The following CAPN14 variants were observed in gnomAD, a reference collection of about 807,000 sequenced individuals.
CAPN14 encodes calpain 14.
CAPN14 carries 94 observed loss-of-function variants against 101.3 expected under a neutral mutation model. The ratio of observed to expected loss-of-function variants is 0.93; its 90% CI spans 0.79 to 1.10. The LOEUF (loss-of-function observed/expected upper bound fraction) is 1.10. Among genes scored for constraint, CAPN14 ranks in the 50% least tolerant of loss-of-function variants. The pLI, the probability that CAPN14 is intolerant of heterozygous loss-of-function variation, is 0.00. For missense variants in CAPN14, 837 were observed against 828.4 expected (o/e 1.01, Z -0.13); for synonymous variants, 338 against 317.9 (o/e 1.06, Z -0.67).
At chr2:31,174,839 C>T (rs751146801) in intron 21 of CAPN14, 132 bp from the exon 22 acceptor site, 1 of 785,428 alleles carries the variant, frequency 1.3e-6, no homozygotes, top group Non-Finnish European at 2.1e-6. Flanking sequence ...AGCATATCAT[C>T]CATTAGGAAG....
chr2:31,200,646 CA>C (rs1001648561), intron 5 of CAPN14, 21 bp from the exon 6 acceptor site: 2 of 1,522,028 alleles, frequency 1.3e-6, no homozygotes, highest in African/African-American at 2.8e-5. Flanking sequence ...AAGAAATAAA[CA>C]TGAGAGGAAA....
chr2:31,202,966 C>T (rs1224795041), intron 3 of CAPN14, 104 bp downstream of exon 3: 1 of 960,302 alleles, frequency 1.0e-6, no homozygotes, highest in East Asian at 2.6e-5. Context: ...GGGCCTCTCT[C>T]CAGTGGGGAT....
At chr2:31,192,170 G>C (rs1444044115) in intron 10 of CAPN14, 72 bp from the exon 11 acceptor site, 1 of 1,451,572 alleles carries the variant, frequency 6.9e-7, no homozygotes, top group African/African-American at 1.4e-5. Context: ...ACCACTAAGA[G>C]GTGAACAGTC....
chr2:31,180,942 T>G lies in CAPN14; in HGVS notation c.1704A>C (p.Leu568Phe), dbSNP rs748893120. Residue 568 changes from leucine (L) to phenylalanine (F), a missense_variant, in exon 17 of 22, where the codon TTA becomes TTC. Coordinates refer to ENST00000403897, the MANE Select transcript of CAPN14 (RefSeq NM_001145122.2). The part of the protein sequence containing the change: ...SLEACQGILA[L>F]LDLNASGTMS... ...CACAAACCTGAAAGGATACGTCCAG[T>G]AAGGCCAGGATCCCCTGGCAGGCTT... The G allele has an allele frequency of 2.0e-5, 31 of 1,551,546 alleles. No individual in the cohort carries two copies. The highest frequency in any genetic ancestry group is 2.7e-5 in the Non-Finnish European group (31 of 1,146,938).
At position 31,197,510 on chromosome 2, in the gene CAPN14, C is replaced by A. The variant is rs543410821; in HGVS notation, c.790-176G>T. Among the ~76,000 whole-genome samples, 6 of 152,262 alleles carry A rather than the reference C, an allele frequency of 3.9e-5. No individual in the cohort carries two copies. The East Asian group carries it at 9.6e-4, about 24-fold the overall frequency. ...TACTTACAAGCTGTGAGACCTAGGG[C>A]AAATCAGCTAACCTCTCTGTGTCTC... On this transcript the variant is annotated intron_variant, in intron 7 of 21. Coordinates refer to ENST00000403897, the MANE Select transcript of CAPN14 (RefSeq NM_001145122.2).
intron 5 of CAPN14, among the ~76,000 whole-genome samples, chr2:31,201,484 G>A (rs1450106180): frequency 1.3e-5 from 2 of 152,118 alleles, no homozygotes; most frequent in Non-Finnish European, 2.9e-5. Flanking sequence ...CGTTGAGAGG[G>A]TTTCATTCAA....
intron 2 of CAPN14, among the ~76,000 whole-genome samples, chr2:31,224,163 G>T (rs1172535589): frequency 6.6e-6 from 1 of 152,128 alleles, no homozygotes; most frequent in Admixed American, 6.6e-5. Flanking sequence ...TATCAATAGA[G>T]AACTCCTCAA....
At chr2:31,185,773 T>C (rs1680872043) in intron 16 of CAPN14, among the ~76,000 whole-genome samples, 1 of 152,240 alleles carries the variant, frequency 6.6e-6, no homozygotes, top group African/African-American at 2.4e-5. Flanking sequence ...GAAGAAGCAA[T>C]CATCTAACTT....
At chr2:31,194,619 G>C in intron 8 of CAPN14, 136 bp from the exon 9 acceptor site, 1 of 631,274 alleles carries the variant, frequency 1.6e-6, no homozygotes, top group South Asian at 1.9e-5. Context: ...ATATTATACA[G>C]TAGCATGAAC....
upstream of CAPN14, among the ~76,000 whole-genome samples, chr2:31,220,090 C>T (rs566456298): frequency 6.6e-6 from 1 of 152,322 alleles, no homozygotes; most frequent in African/African-American, 2.4e-5. Flanking sequence ...GTGTGAATAG[C>T]TTCCAAGTCC....
chr2:31,184,735 C>T (rs1461136399), intron 16 of CAPN14, among the ~76,000 whole-genome samples: 3 of 152,156 alleles, frequency 2.0e-5, no homozygotes, highest in Non-Finnish European at 4.4e-5. Flanking sequence ...AGAAGCTAAC[C>T]CCTTTTATTT....
At position 31,173,659 on chromosome 2, in the gene CAPN14, G is replaced by A. The variant is rs1256180078; in HGVS notation, c.*1022C>T. 2 of 152,086 alleles carry A rather than the reference G, an allele frequency of 1.3e-5. No homozygotes were observed. Among genetic ancestry groups the A allele is most frequent in the African/African-American group, 2.4e-5 (1 of 41,414 alleles). 9.4% of individuals were successfully genotyped at this position (152,086 alleles called of 1,614,324 possible). ...TCTACTCTCAGAAATTTTAGATTTT[G>A]GAGTATTTCAGATTTGGGGTTTTCA... On this transcript the variant is annotated 3_prime_UTR_variant, in exon 22 of 22. Transcript: ENST00000403897.
At chr2:31,186,277 G>T (rs748009508) in intron 16 of CAPN14, 151 bp downstream of exon 16, 53 of 471,096 alleles carry the variant, frequency 1.1e-4, no homozygotes, top group Non-Finnish European at 1.8e-4. Flanking sequence ...TGCTTTTTCA[G>T]ATCACATAAT....
At chr2:31,177,723 G>T (rs761733043) in intron 19 of CAPN14, 23 bp downstream of exon 19, 112 of 1,539,748 alleles carry the variant, frequency 7.3e-5, no homozygotes, top group Middle Eastern at 5.1e-4. Context: ...TGTGCCCACA[G>T]CTCCAGCTCT....
At chr2:31,174,761 G>T in intron 21 of CAPN14, 54 bp from the exon 22 acceptor site, 3 of 1,535,886 alleles carry the variant, frequency 2.0e-6, no homozygotes, top group Non-Finnish European at 2.6e-6. Flanking sequence ...GTCTCATCTG[G>T]GCCTCCCCAT....
chr2:31,192,235 G>T, intron 10 of CAPN14, 137 bp from the exon 11 acceptor site: 4 of 1,034,706 alleles, frequency 3.9e-6, no homozygotes, highest in Non-Finnish European at 5.3e-6. Flanking sequence ...CAGAGTCGGG[G>T]TCCCTTCAAC....
chr2:31,175,285 T>C (rs1401766821), intron 21 of CAPN14, among the ~76,000 whole-genome samples: 1 of 152,202 alleles, frequency 6.6e-6, no homozygotes, highest in Non-Finnish European at 1.5e-5. Context: ...GAGCCACAGA[T>C]GGTCAGAGCT....
intron 16 of CAPN14, among the ~76,000 whole-genome samples, chr2:31,181,396 T>C (rs1395871729): frequency 1.8e-5 from 2 of 108,786 alleles, no homozygotes; most frequent in Non-Finnish European, 1.8e-5. Context: ...TTTTCTTTCT[T>C]TTTTTCTTTC....
chr2:31,191,611 G>A, intron 11 of CAPN14, among the ~76,000 whole-genome samples: 1 of 152,182 alleles, frequency 6.6e-6, no homozygotes, highest in East Asian at 1.9e-4. Context: ...TGGAAAAGAG[G>A]GAGGGAAAGA....
Sources: gnomAD v4.1 joint callset for allele counts (sites outside exome capture counted in the v4.1 genomes callset) on GRCh38, gnomAD v4.1.1 for gene constraint, MANE v1.5 for transcripts, NCBI Gene and HGNC (gene_info 2026-07-23, HGNC 2026-07-21) for gene names.